CDKN2B-AS1: variants seen among roughly 807,000 people sequenced by gnomAD.
CDKN2B-AS1 encodes CDKN2B antisense RNA 1 (non-protein coding).
chr9:22,029,730 A>T (rs1286705941), intron 1 of CDKN2B-AS1: 7 of 413,876 alleles, frequency 1.7e-5, no homozygotes, highest in Non-Finnish European at 2.1e-5. Flanking sequence ...ATATTTTCTT[A>T]TAACTTTCCA....
At chr9:22,044,123 C>T (rs1333034) in intron 1 of CDKN2B-AS1, among the ~76,000 whole-genome samples, 137,672 of 152,000 alleles carry the variant, frequency 0.91, 62,362 homozygotes, top group East Asian at 0.98. Flanking sequence ...AGCTTTTTTT[C>T]GCCTAGGTCA....
chr9:22,116,986 A>G (rs1024168643), intron 4 of CDKN2B-AS1, among the ~76,000 whole-genome samples: 1 of 152,368 alleles, frequency 6.6e-6, no homozygotes, highest in South Asian at 2.1e-4. Context: ...TGGGAGGAAG[A>G]TCAAATGGAA....
At chr9:22,076,345 A>C (rs536550635) in intron 4 of CDKN2B-AS1, among the ~76,000 whole-genome samples, 4 of 152,226 alleles carry the variant, frequency 2.6e-5, no homozygotes, top group East Asian at 1.9e-4. Context: ...GAGCCACCAC[A>C]CCTGGCCTGA....
chr9:22,049,495 C>T (rs756433040), intron 3 of CDKN2B-AS1, among the ~76,000 whole-genome samples: 3 of 152,066 alleles, frequency 2.0e-5, no homozygotes, highest in Non-Finnish European at 4.4e-5. Flanking sequence ...CTGCACACTG[C>T]ATCCTCTATG....
At chr9:22,070,836 G>A (rs1265557814) in intron 4 of CDKN2B-AS1, among the ~76,000 whole-genome samples, 4 of 152,160 alleles carry the variant, frequency 2.6e-5, no homozygotes, top group Non-Finnish European at 4.4e-5. Flanking sequence ...ATCAATTAAT[G>A]CAAATGTAAG....
At chr9:22,108,351 G>A (rs1018589739) in intron 4 of CDKN2B-AS1, among the ~76,000 whole-genome samples, 3 of 152,108 alleles carry the variant, frequency 2.0e-5, no homozygotes, top group Admixed American at 6.6e-5. Context: ...TTACTCTAAC[G>A]GTTTGAACAC....
upstream of CDKN2B-AS1, chr9:21,995,029 C>T (rs1820578466): frequency 6.6e-6 from 1 of 152,258 alleles, no homozygotes; most frequent in South Asian, 2.1e-4. The surrounding 1 kb of genome is among the most constrained non-coding windows in gnomAD (Gnocchi z 5.7). Flanking sequence ...AACTAAAAGC[C>T]GCTCCGCTCC....
intron 1 of CDKN2B-AS1, among the ~76,000 whole-genome samples, chr9:22,032,368 T>G (rs572379996): frequency 1.3e-5 from 2 of 152,272 alleles, no homozygotes; most frequent in South Asian, 2.1e-4. Context: ...CTTCATTCCT[T>G]CTACTTTTTC....
chr9:22,059,350 G>A (rs551525750), intron 4 of CDKN2B-AS1, among the ~76,000 whole-genome samples: 3 of 152,286 alleles, frequency 2.0e-5, no homozygotes, highest in African/African-American at 7.2e-5. Context: ...CGAAGCAAAA[G>A]GGTTACAGGG....
chr9:22,068,851 T>C (rs952097782), intron 4 of CDKN2B-AS1, among the ~76,000 whole-genome samples: 5 of 152,206 alleles, frequency 3.3e-5, no homozygotes, highest in African/African-American at 1.2e-4. Context: ...ACCTGTTCAA[T>C]GGGCTTTAAC....
chr9:22,115,552 C>T (rs1245259771), intron 4 of CDKN2B-AS1, among the ~76,000 whole-genome samples: 1 of 152,196 alleles, frequency 6.6e-6, no homozygotes, highest in Non-Finnish European at 1.5e-5. Flanking sequence ...TTTCTTTCTT[C>T]TCAAAACTTC....
At position 22,005,624 on chromosome 9, in the gene CDKN2B-AS1, G is replaced by A. The variant is rs3217983; in HGVS notation, n.29+10463G>A. ...CCTTCTCCCACTCAGCGCTGGAGTG[G>A]GAGATTCATCCATCGGAAGATTCGT... is the stretch of plus-strand genomic sequence containing the variant. On this transcript the variant is annotated intron_variant and non_coding_transcript_variant, in intron 1 of 4. Coordinates refer to ENST00000650946, the Ensembl canonical transcript of CDKN2B-AS1. This position sits in a 1 kb window ranked among gnomAD's most constrained non-coding sequence, Gnocchi z 4.9. 2.8e-3 allele frequency: 1,279 copies of A among 453,084 alleles called. 30 individuals are homozygous for A. The highest frequency in any genetic ancestry group is 0.028 in the South Asian group (1,248 of 45,286). The allele number at this position is 453,084 out of a possible 1,614,324, so 28.1% of individuals were successfully genotyped here.
intron 1 of CDKN2B-AS1, among the ~76,000 whole-genome samples, chr9:22,026,427 C>T (rs564692634): frequency 6.6e-6 from 1 of 152,122 alleles, no homozygotes; most frequent in Admixed American, 6.5e-5. Flanking sequence ...CTCTTTGGCC[C>T]CTGGTTAGTT....
At chr9:22,009,617 C>A (rs1181125934) in intron 1 of CDKN2B-AS1, among the ~76,000 whole-genome samples, 2 of 151,942 alleles carry the variant, frequency 1.3e-5, no homozygotes, top group South Asian at 4.2e-4. Flanking sequence ...ATTTCTGTTC[C>A]TTCAGCCAGC....
At chr9:22,111,006 A>C (rs966895417) in intron 4 of CDKN2B-AS1, among the ~76,000 whole-genome samples, 1 of 152,176 alleles carries the variant, frequency 6.6e-6, no homozygotes, top group African/African-American at 2.4e-5. Context: ...GTGTGTAGCT[A>C]TAGTTTATTC....
chr9:22,000,978 G>A lies in CDKN2B-AS1; in HGVS notation n.29+5817G>A, dbSNP rs183751196. ...CTAGTATCTGGCGCAGAAAGAAGTG[G>A]AATGGAATTATCAGGGAGACCCAGT... is the stretch of plus-strand genomic sequence containing the variant. On this transcript the variant is annotated intron_variant and non_coding_transcript_variant, in intron 1 of 4. Coordinates refer to ENST00000650946, the Ensembl canonical transcript of CDKN2B-AS1. The surrounding 1 kb of genome is among the most constrained non-coding windows in gnomAD (Gnocchi z 4.1). Among the ~76,000 whole-genome samples the A allele has an allele frequency of 1.3e-5, 2 of 152,174 alleles. No individual in the cohort carries two copies. Among genetic ancestry groups the A allele is most frequent in the Admixed American group, 1.3e-4 (2 of 15,284 alleles).
chr9:22,010,979 A>G (rs1821470869), intron 1 of CDKN2B-AS1, among the ~76,000 whole-genome samples: 1 of 152,214 alleles, frequency 6.6e-6, no homozygotes, highest in South Asian at 2.1e-4. Context: ...GAAAGAACCA[A>G]TGACTAAGTA....
At chr9:22,045,245 G>T (rs1197715282) in intron 1 of CDKN2B-AS1, among the ~76,000 whole-genome samples, 1 of 151,858 alleles carries the variant, frequency 6.6e-6, no homozygotes, top group African/African-American at 2.4e-5. Flanking sequence ...CCTGTTGAGT[G>T]TTTATTATAT....
chr9:22,047,380 A>G (rs1587454044), intron 2 of CDKN2B-AS1, among the ~76,000 whole-genome samples: 1 of 152,178 alleles, frequency 6.6e-6, no homozygotes, highest in East Asian at 1.9e-4. Context: ...TTGGTGAGAA[A>G]GAAGCAACTA....
Sources: allele counts gnomAD v4.1 joint callset (sites outside exome capture counted in the v4.1 genomes callset), GRCh38; gene constraint gnomAD v4.1.1; non-coding constraint Gnocchi (gnomAD v3.1); transcripts MANE v1.5; gene names NCBI Gene and HGNC (gene_info 2026-07-23, HGNC 2026-07-21).